GSTCD: variants seen among roughly 807,000 people sequenced by gnomAD.
The protein encoded by GSTCD is glutathione S-transferase C-terminal domain containing.
In GSTCD, 44 loss-of-function variants were observed where a neutral mutation model predicts 68.3. The observed-to-expected ratio is 0.64, with a 90% CI of 0.51 to 0.83. GSTCD has a LOEUF of 0.83. Among genes scored for constraint, GSTCD ranks in the 40% least tolerant of loss-of-function variants. GSTCD has a pLI of 0.00. For missense variants in GSTCD, 739 were observed against 735.9 expected, an observed-to-expected ratio of 1.00 and a Z score of -0.05; for synonymous variants, 273 against 255.2, an observed-to-expected ratio of 1.07 and a Z score of -0.67.
chr4:105,784,404 ATAAC>A (rs1375264210), intron 5 of GSTCD, among the ~76,000 whole-genome samples: 1 of 152,284 alleles, frequency 6.6e-6, no homozygotes, highest in African/African-American at 2.4e-5. Flanking sequence ...CACCCTCCCA[ATAAC>A]TAACCCATTC....
chr4:105,823,239 T>C lies in GSTCD; in HGVS notation c.1365T>C (p.Val455=), dbSNP rs1723402595. 2.5e-6 allele frequency: 4 copies of C among 1,613,782 alleles called. No homozygotes were observed. The African/African-American group carries it at 5.3e-5, about 22-fold the overall frequency. ...IVDFCSGGGH[V]GIVLAHMLPS... is the part of the protein sequence containing the mutation. ...CTTACTGACTTTTTCAGGGCCATGTTGGAATTGTCCTTGCTCACATGCTGC... is the reference window on the plus strand; with the variant it reads ...CTTACTGACTTTTTCAGGGCCATGTCGGAATTGTCCTTGCTCACATGCTGC... Residue 455 remains valine, a synonymous_variant, in exon 7 of 12, where the codon GTT becomes GTC. Coordinates refer to ENST00000515279, the MANE Select transcript of GSTCD (RefSeq NM_001370181.1).
chr4:105,729,675 A>G (rs949392050), intron 5 of GSTCD, among the ~76,000 whole-genome samples, 176 bp downstream of exon 5: 7 of 152,096 alleles, frequency 4.6e-5, no homozygotes, highest in Non-Finnish European at 1.0e-4. Context: ...CTTAGATTTA[A>G]TATTTCTCAC....
chr4:105,735,171 A>G lies in GSTCD; in HGVS notation c.1240+5672A>G, dbSNP rs555958453. ...GCAATCTGTCAGTTCTCAGATCTCA[A>G]ACTCTCTGCTGGGAGAACCACTACT... On this transcript the variant is annotated intron_variant, in intron 5 of 11. Transcript: ENST00000515279. Among the ~76,000 whole-genome samples the G allele has an allele frequency of 3.0e-4, 46 of 152,236 alleles. No individual in the cohort carries two copies. In the South Asian group the frequency reaches 4.8e-3, roughly 16 times the overall value.
At chr4:105,712,580 G>A (rs1732569739) in intron 1 of GSTCD, 2 of 152,342 alleles carry the variant, frequency 1.3e-5, no homozygotes, top group South Asian at 4.1e-4. Flanking sequence ...TCACCCTGTT[G>A]TTGGAGAATG....
intron 5 of GSTCD, among the ~76,000 whole-genome samples, chr4:105,745,195 C>A (rs1733759517): frequency 1.3e-5 from 2 of 152,150 alleles, no homozygotes; most frequent in South Asian, 2.1e-4. Flanking sequence ...AATTACTATA[C>A]CCACATTTGT....
chr4:105,838,189 T>G (rs904630290), intron 10 of GSTCD, among the ~76,000 whole-genome samples: 1 of 152,190 alleles, frequency 6.6e-6, no homozygotes, highest in African/African-American at 2.4e-5. Flanking sequence ...AGTTTGTTGC[T>G]CATGGCAATA....
intron 5 of GSTCD, among the ~76,000 whole-genome samples, chr4:105,821,908 T>C (rs1160567033): frequency 6.6e-6 from 1 of 151,840 alleles, no homozygotes; most frequent in African/African-American, 2.4e-5. Context: ...CCTAAAATAA[T>C]ATTTTCCTGT....
intron 3 of GSTCD, among the ~76,000 whole-genome samples, chr4:105,721,195 A>C (rs929562624): frequency 6.6e-6 from 1 of 152,080 alleles, no homozygotes; most frequent in East Asian, 1.9e-4. Context: ...GCTGCTTTCG[A>C]ACTCCTGACC....
At chr4:105,829,616 G>A (rs1723814488) in intron 8 of GSTCD, among the ~76,000 whole-genome samples, 1 of 152,114 alleles carries the variant, frequency 6.6e-6, no homozygotes. Flanking sequence ...ACTATCATGA[G>A]AACAGCATGG....
Position 105,836,279 on chromosome 4 carries a change from G to A in GSTCD, c.1665-1580G>A, listed in dbSNP as rs187042419. ...TGTCTGCCTAAGTCTGGCAGAGTCC[G>A]GGGTTTTTATGGACTCCAGAGGGAA... On this transcript the variant is annotated intron_variant, in intron 9 of 11. Coordinates refer to ENST00000515279, the MANE Select transcript of GSTCD (RefSeq NM_001370181.1). Among the ~76,000 whole-genome samples the A allele has an allele frequency of 4.0e-3, 603 of 152,300 alleles. 5 individuals are homozygous for A. The highest frequency in any genetic ancestry group is 0.014 in the African/African-American group (564 of 41,566).
At chr4:105,769,389 G>GATAAA (rs1168647573) in intron 5 of GSTCD, among the ~76,000 whole-genome samples, 1 of 152,000 alleles carries the variant, frequency 6.6e-6, no homozygotes, top group Non-Finnish European at 1.5e-5. Context: ...GTAAACCATG[G>GATAAA]ATAAAATTAA....
chr4:105,733,540 G>T (rs927438405), intron 5 of GSTCD, among the ~76,000 whole-genome samples: 3 of 152,078 alleles, frequency 2.0e-5, no homozygotes, highest in African/African-American at 7.2e-5. Context: ...TGTTTGCTTG[G>T]TAGATCTTCC....
chr4:105,711,204 A>T (rs1732524205), intron 1 of GSTCD, among the ~76,000 whole-genome samples: 1 of 151,642 alleles, frequency 6.6e-6, no homozygotes, highest in African/African-American at 2.4e-5. Flanking sequence ...CAAAATGTTG[A>T]ACATATGATG....
At chr4:105,796,983 C>A (rs1735912544) in intron 5 of GSTCD, among the ~76,000 whole-genome samples, 1 of 151,598 alleles carries the variant, frequency 6.6e-6, no homozygotes, top group South Asian at 2.1e-4. Context: ...GCTCCAGTGC[C>A]TCAAAAAGAT....
chr4:105,799,600 A>G (rs1008885775), intron 5 of GSTCD, among the ~76,000 whole-genome samples: 2 of 152,104 alleles, frequency 1.3e-5, no homozygotes, highest in African/African-American at 4.8e-5. Flanking sequence ...CACAACATTT[A>G]TTGATTAAGT....
chr4:105,717,471 G>A, intron 1 of GSTCD, 122 bp from the exon 2 acceptor site: 1 of 629,750 alleles, frequency 1.6e-6, no homozygotes, highest in Non-Finnish European at 2.7e-6. Flanking sequence ...AAACCTTATA[G>A]CATTATTATC....
At chr4:105,836,700 C>G (rs1724136075) in intron 9 of GSTCD, among the ~76,000 whole-genome samples, 1 of 152,216 alleles carries the variant, frequency 6.6e-6, no homozygotes, top group Non-Finnish European at 1.5e-5. Context: ...ACCACAGTGC[C>G]TGGGCTCAGC....
At chr4:105,735,232 G>A (rs1185305239) in intron 5 of GSTCD, among the ~76,000 whole-genome samples, 1 of 152,184 alleles carries the variant, frequency 6.6e-6, no homozygotes, top group South Asian at 2.1e-4. Context: ...TAAGTCTGCA[G>A]AGGTTTCTGC....
chr4:105,832,803 G>A (rs1373960828), intron 8 of GSTCD, among the ~76,000 whole-genome samples: 1 of 152,184 alleles, frequency 6.6e-6, no homozygotes, highest in African/African-American at 2.4e-5. Flanking sequence ...GGGAAGATGT[G>A]TCTATAATTT....
Sources: allele counts gnomAD v4.1 joint callset (sites outside exome capture counted in the v4.1 genomes callset), GRCh38; gene constraint gnomAD v4.1.1; transcripts MANE v1.5; gene names NCBI Gene and HGNC (gene_info 2026-07-23, HGNC 2026-07-21).